Variants in REDIC1 observed in about 807,000 individuals in gnomAD.
REDIC1 encodes regulator of DNA class I crossover intermediates 1.
chr12:39,694,246 ACTAT>A, the REDIC1 span, among the ~76,000 whole-genome samples: 6 of 151,932 alleles, frequency 3.9e-5, no homozygotes, highest in Non-Finnish European at 8.8e-5. Flanking sequence ...CAATTTAACA[ACTAT>A]CTACACACAA....
chr12:39,684,861 C>G, the REDIC1 span: 1 of 1,604,612 alleles, frequency 6.2e-7, no homozygotes, highest in Non-Finnish European at 8.5e-7. Flanking sequence ...TATTTATAAT[C>G]CTTAGGGGAA....
the REDIC1 span, among the ~76,000 whole-genome samples, chr12:39,880,146 C>T: frequency 1.3e-5 from 2 of 152,174 alleles, no homozygotes; most frequent in Non-Finnish European, 2.9e-5. Flanking sequence ...TCCCCAGAAG[C>T]TGGGCAGATG....
the REDIC1 span, among the ~76,000 whole-genome samples, chr12:39,789,028 C>T: frequency 1.3e-5 from 2 of 152,024 alleles, no homozygotes; most frequent in Non-Finnish European, 2.9e-5. Context: ...GTCTGTTATA[C>T]ATACAAAGAA....
chr12:39,714,238 T>C, the REDIC1 span, among the ~76,000 whole-genome samples: 1 of 111,040 alleles, frequency 9.0e-6, no homozygotes, highest in Non-Finnish European at 2.0e-5. Context: ...CATATATGTA[T>C]ATATGTATAT....
chr12:39,644,062 T>TTAA, the REDIC1 span: 1 of 584,418 alleles, frequency 1.7e-6, no homozygotes, highest in Non-Finnish European at 2.9e-6. Flanking sequence ...AGATGCCTAG[T>TTAA]TAATATCTGC....
chr12:39,690,140 T>A, the REDIC1 span, among the ~76,000 whole-genome samples: 324 of 152,198 alleles, frequency 2.1e-3, no homozygotes, highest in African/African-American at 7.6e-3. Flanking sequence ...GAGGGCTGGG[T>A]TGCACCTGCC....
the REDIC1 span, among the ~76,000 whole-genome samples, chr12:39,849,685 CTCTT>C: frequency 6.6e-6 from 1 of 152,086 alleles, no homozygotes; most frequent in Non-Finnish European, 1.5e-5. Flanking sequence ...AAGTTTGTCT[CTCTT>C]GGAATCTCAT....
chr12:39,634,592 A>G, the REDIC1 span, among the ~76,000 whole-genome samples: 1 of 152,176 alleles, frequency 6.6e-6, no homozygotes, highest in Admixed American at 6.6e-5. Flanking sequence ...ATATGTAGAA[A>G]GCTGAAACTG....
At chr12:39,723,038 T>C in the REDIC1 span, among the ~76,000 whole-genome samples, 1 of 152,138 alleles carries the variant, frequency 6.6e-6, no homozygotes, top group African/African-American at 2.4e-5. Context: ...CAGTAAAGAC[T>C]TTGAATACCA....
the REDIC1 span, among the ~76,000 whole-genome samples, chr12:39,856,884 C>G: frequency 2.6e-5 from 4 of 152,078 alleles, no homozygotes; most frequent in Admixed American, 2.6e-4. Context: ...TTTTAGGGGC[C>G]TTGTTTCATA....
the REDIC1 span, among the ~76,000 whole-genome samples, chr12:39,749,097 C>T: frequency 6.6e-6 from 1 of 151,958 alleles, no homozygotes; most frequent in African/African-American, 2.4e-5. Flanking sequence ...GATAGAGACA[C>T]AAAAAACCCT....
the REDIC1 span, chr12:39,641,130 T>C: frequency 3.2e-6 from 2 of 630,770 alleles, no homozygotes; most frequent in Non-Finnish European, 5.4e-6. Context: ...TGTTGATAGC[T>C]TGATTAGCCA....
the REDIC1 span, among the ~76,000 whole-genome samples, chr12:39,655,979 GT>G: frequency 1.9e-3 from 278 of 149,416 alleles, 2 homozygotes; most frequent in African/African-American, 6.1e-3. Context: ...CCCACATCAG[GT>G]TTTTTTTTTC....
the REDIC1 span, among the ~76,000 whole-genome samples, chr12:39,797,028 A>T: frequency 1.3e-5 from 2 of 152,212 alleles, no homozygotes; most frequent in African/African-American, 4.8e-5. Context: ...TGGTTATTTT[A>T]AAAAACTTAT....
At chr12:39,839,685 C>G in the REDIC1 span, among the ~76,000 whole-genome samples, 1 of 152,110 alleles carries the variant, frequency 6.6e-6, no homozygotes, top group Middle Eastern at 3.4e-3. Flanking sequence ...TGCTTCTGTT[C>G]TGGGCCATCT....
chr12:39,765,939 C>A, the REDIC1 span, among the ~76,000 whole-genome samples: 1 of 152,218 alleles, frequency 6.6e-6, no homozygotes, highest in East Asian at 1.9e-4. Context: ...CATGTGTTCT[C>A]ATTGTTCAGC....
chr12:39,675,489 G>A, the REDIC1 span, among the ~76,000 whole-genome samples: 1,052 of 152,076 alleles, frequency 6.9e-3, 14 homozygotes, highest in African/African-American at 0.024. Flanking sequence ...GCCACCTCTG[G>A]GCTGGAGGCC....
chr12:39,790,090 A>G, the REDIC1 span, among the ~76,000 whole-genome samples: 1 of 150,116 alleles, frequency 6.7e-6, no homozygotes, highest in Non-Finnish European at 1.5e-5. Context: ...TATATTCAAT[A>G]TAGAAATTAT....
chr12:39,847,853 A>C, the REDIC1 span, among the ~76,000 whole-genome samples: 1 of 152,186 alleles, frequency 6.6e-6, no homozygotes, highest in East Asian at 1.9e-4. Flanking sequence ...CTGAAAAAGC[A>C]AGTCTACCCA....
Sources: gnomAD v4.1 joint callset for allele counts (sites outside exome capture counted in the v4.1 genomes callset) on GRCh38, gnomAD v4.1.1 for gene constraint, MANE v1.5 for transcripts, NCBI Gene and HGNC (gene_info 2026-07-23, HGNC 2026-07-21) for gene names.